The following DDX10 variants were observed in gnomAD, a reference collection of about 807,000 sequenced individuals.
DDX10 encodes the protein DEAD-box helicase 10, also known as probable ATP-dependent RNA helicase DDX10.
A neutral mutation model predicts 104.3 loss-of-function variants in DDX10; 74 were observed. The observed-to-expected ratio is 0.71, with a 90% confidence interval of 0.59 to 0.86. The LOEUF is 0.86. DDX10 is among the 40% of genes least tolerant of loss of function. DDX10 has a pLI of 0.00. For missense variants in DDX10, 952 were observed against 1,040.0 expected, an observed-to-expected ratio of 0.92 and a Z score of 1.16; for synonymous variants, 351 against 353.4, an observed-to-expected ratio of 0.99 and a Z score of 0.08.
intron 13 of DDX10, among the ~76,000 whole-genome samples, chr11:108,746,022 TTA>T (rs1377238617): frequency 6.6e-6 from 1 of 152,160 alleles, no homozygotes; most frequent in East Asian, 1.9e-4. Context: ...AGAATGTTTT[TTA>T]TCACTTCCAA....
intron 13 of DDX10, among the ~76,000 whole-genome samples, chr11:108,832,916 T>G (rs533184505): frequency 6.6e-6 from 1 of 152,294 alleles, no homozygotes; most frequent in South Asian, 2.1e-4. Flanking sequence ...GAATGGAATC[T>G]CTCTGGAAGG....
intron 16 of DDX10, among the ~76,000 whole-genome samples, chr11:108,857,509 C>T (rs186505432): frequency 6.6e-6 from 1 of 152,322 alleles, no homozygotes; most frequent in East Asian, 1.9e-4. Flanking sequence ...GATGTGGTTG[C>T]ACTTCTCTCT....
At chr11:108,821,555 C>A (rs576995035) in intron 13 of DDX10, among the ~76,000 whole-genome samples, 1 of 151,858 alleles carries the variant, frequency 6.6e-6, no homozygotes, top group African/African-American at 2.4e-5. Flanking sequence ...GGCTGTCAAA[C>A]TTTTTTTAAT....
At chr11:108,731,163 G>C (rs1427889695) in intron 13 of DDX10, among the ~76,000 whole-genome samples, 1 of 151,270 alleles carries the variant, frequency 6.6e-6, no homozygotes, top group Admixed American at 6.6e-5. Flanking sequence ...TGATTATCCT[G>C]CCTCAGCCTC....
chr11:108,882,965 G>T (rs1486648430), intron 16 of DDX10, among the ~76,000 whole-genome samples: 1 of 152,034 alleles, frequency 6.6e-6, no homozygotes, highest in African/African-American at 2.4e-5. Flanking sequence ...TTGTCCATTC[G>T]TTCCTCTTTT....
chr11:108,689,041 A>AT lies in DDX10; in HGVS notation c.961dup (p.Ser321PhefsTer39). ...GCCATCTGAAGAAGAAGAGCATTGTATTTTTTTCCAGTTGCAAAGAGGTAT... is the reference window on the plus strand; with the variant it reads ...GCCATCTGAAGAAGAAGAGCATTGTATTTTTTTTCCAGTTGCAAAGAGGTAT... On this transcript the variant is annotated frameshift_variant, in exon 7 of 18. Transcript: ENST00000322536. LOFTEE classifies it high-confidence loss of function. 1 of 1,613,946 alleles carries AT rather than the reference A, an allele frequency of 6.2e-7. No homozygotes were observed. Among genetic ancestry groups the AT allele is most frequent in the East Asian group, 2.2e-5 (1 of 44,868 alleles).
intron 17 of DDX10, among the ~76,000 whole-genome samples, chr11:108,928,754 A>T (rs1863940470): frequency 6.6e-6 from 1 of 152,330 alleles, no homozygotes; most frequent in Middle Eastern, 3.4e-3. Flanking sequence ...GTGAAATATG[A>T]CATTGAATAG....
chr11:108,837,768 G>A (rs1257529666), intron 13 of DDX10, among the ~76,000 whole-genome samples: 9 of 151,308 alleles, frequency 5.9e-5, no homozygotes, highest in South Asian at 2.1e-4. Flanking sequence ...GATTACAGGC[G>A]CCCGCCACCA....
intron 13 of DDX10, among the ~76,000 whole-genome samples, chr11:108,829,636 T>C (rs1862442032): frequency 6.6e-6 from 1 of 152,222 alleles, no homozygotes; most frequent in Non-Finnish European, 1.5e-5. Flanking sequence ...CATTTGCTTT[T>C]GGTTGGTCAT....
At chr11:108,838,295 A>G in intron 13 of DDX10, 151 bp from the exon 14 acceptor site, 1 of 768,342 alleles carries the variant, frequency 1.3e-6, no homozygotes, top group Middle Eastern at 4.3e-4. Context: ...AAGTCAAATA[A>G]TGTTATTCCT....
At position 108,713,834 on chromosome 11, in the gene DDX10, T is replaced by G. The variant is rs183910770; in HGVS notation, c.1323-2045T>G. 2.5e-3 allele frequency among the ~76,000 whole-genome samples: 382 copies of G among 152,302 alleles called. 7 individuals are homozygous for G. In the Middle Eastern group the frequency reaches 0.044, roughly 18 times the overall value. ...GTGGGGGCTGTGAGGAAAGCATTCTTAAGACCTATAGTAGGTCTCAGTCTT... is the reference window on the plus strand; with the variant it reads ...GTGGGGGCTGTGAGGAAAGCATTCTGAAGACCTATAGTAGGTCTCAGTCTT... On this transcript the variant is annotated intron_variant, in intron 10 of 17. Coordinates refer to ENST00000322536, the MANE Select transcript of DDX10 (RefSeq NM_004398.4).
intron 1 of DDX10, 79 bp downstream of exon 1, chr11:108,665,418 G>A: frequency 2.1e-6 from 3 of 1,438,692 alleles, no homozygotes; most frequent in Non-Finnish European, 2.8e-6. Context: ...GTTGCAGAGT[G>A]GAGGCGGCGG....
At chr11:108,887,323 CA>C (rs1048380442) in intron 16 of DDX10, among the ~76,000 whole-genome samples, 1 of 151,664 alleles carries the variant, frequency 6.6e-6, no homozygotes, top group African/African-American at 2.4e-5. Context: ...TACCTATTTC[CA>C]AAACAGAAAA....
At chr11:108,753,686 GCAT>G (rs2094341167) in intron 13 of DDX10, among the ~76,000 whole-genome samples, 1 of 151,976 alleles carries the variant, frequency 6.6e-6, no homozygotes, top group African/African-American at 2.4e-5. Flanking sequence ...TAATTGAAAA[GCAT>G]CACGAAAAAT....
At chr11:108,673,624 T>G (rs1168346760) in intron 2 of DDX10, 97 bp downstream of exon 2, 1 of 842,348 alleles carries the variant, frequency 1.2e-6, no homozygotes, top group Non-Finnish European at 1.9e-6. Context: ...AAATCTTATT[T>G]TGGCAAATTT....
chr11:108,896,088 G>A (rs953910816), intron 16 of DDX10, among the ~76,000 whole-genome samples: 48 of 152,130 alleles, frequency 3.2e-4, no homozygotes, highest in African/African-American at 9.7e-4. Context: ...AGTGACTTTA[G>A]TAGGAGATCC....
intron 15 of DDX10, among the ~76,000 whole-genome samples, chr11:108,845,209 AAAAC>A (rs36193704): frequency 0.024 from 3,668 of 152,000 alleles, 106 homozygotes; most frequent in East Asian, 0.14. Context: ...CTCTGTCTCA[AAAAC>A]AAACAAACAA....
At chr11:108,900,758 G>C (rs1863506957) in intron 16 of DDX10, among the ~76,000 whole-genome samples, 1 of 152,128 alleles carries the variant, frequency 6.6e-6, no homozygotes, top group South Asian at 2.1e-4. Context: ...AATTGTACCT[G>C]GTTGGGAGAC....
chr11:108,770,805 A>G (rs2094362179), intron 13 of DDX10, among the ~76,000 whole-genome samples: 1 of 151,864 alleles, frequency 6.6e-6, no homozygotes, highest in Non-Finnish European at 1.5e-5. Context: ...CAGTGTTGCA[A>G]CAAACATTGG....
Sources: gnomAD v4.1 joint callset for allele counts (sites outside exome capture counted in the v4.1 genomes callset) on GRCh38, gnomAD v4.1.1 for gene constraint, MANE v1.5 for transcripts, NCBI Gene and HGNC (gene_info 2026-07-23, HGNC 2026-07-21) for gene names.